The following SYMPK variants were observed in gnomAD, a reference collection of about 807,000 sequenced individuals.
SYMPK encodes the protein symplekin.
SYMPK carries 49 observed loss-of-function variants against 136.4 expected under a neutral mutation model. That is an observed-to-expected ratio of 0.36 (90% CI 0.29 to 0.46). The LOEUF (loss-of-function observed/expected upper bound fraction) is 0.46. Among genes scored for constraint, SYMPK ranks in the 20% least tolerant of loss-of-function variants. SYMPK has a pLI of 1.00. For synonymous variants in SYMPK, 766 were observed against 713.0 expected (o/e 1.07, Z -1.19); for missense variants, 1,365 against 1,690.0 (o/e 0.81, Z 3.37).
Position 45,816,156 on chromosome 19 carries a change from G to C in SYMPK, c.3382C>G (p.Pro1128Ala). The stretch of plus-strand genomic sequence containing the variant: ...TGAGGGGGCCGGGGTGCTGGGGCCG[G>C]GGCCAAGGTCAGGGGCTCCAGATCA... ...EDDLEPLTLAPAPAPRPPQDL... is the reference protein window; with the variant it reads ...EDDLEPLTLAAAPAPRPPQDL... Residue 1128 changes from proline (P) to alanine (A), a missense_variant, in exon 26 of 27, where the codon CCG (proline) becomes GCG (alanine). Coordinates refer to ENST00000245934, the MANE Select transcript of SYMPK (RefSeq NM_004819.3). 1.3e-6 allele frequency: 2 copies of C among 1,547,080 alleles called. No individual in the cohort carries two copies. The highest frequency in any genetic ancestry group is 1.7e-6 in the Non-Finnish European group (2 of 1,143,062).
intron 3 of SYMPK, among the ~76,000 whole-genome samples, chr19:45,853,801 C>T (rs1971750734): frequency 6.6e-6 from 1 of 152,156 alleles, no homozygotes; most frequent in Non-Finnish European, 1.5e-5. Context: ...ACTGGGTCAT[C>T]ATTGCCTGGT....
In SYMPK at chr19:45,821,522, G is replaced by A. The variant is rs918391868; in HGVS notation, c.2792-37C>T. On this transcript the variant is annotated intron_variant, in intron 21 of 26. Transcript: ENST00000245934. The surrounding 1 kb of genome is among the most constrained non-coding windows in gnomAD (Gnocchi z 4.4). ...GGGAGGAAGGGTGGGGGAAGACAGT[G>A]CGGACGCATAAGTGAAGAGATGGGT... 2 of 1,446,674 alleles carry A rather than the reference G, an allele frequency of 1.4e-6. No individual in the cohort carries two copies. The highest frequency in any genetic ancestry group is 1.4e-5 in the African/African-American group (1 of 71,310). The allele number at this position is 1,446,674 out of a possible 1,614,324, so 89.6% of individuals were successfully genotyped here.
At chr19:45,825,098 T>C (rs1308163957) in intron 18 of SYMPK, 73 bp downstream of exon 18, 3 of 1,552,000 alleles carry the variant, frequency 1.9e-6, no homozygotes, top group Non-Finnish European at 2.6e-6. Flanking sequence ...TGGAGCAGGT[T>C]GGGGAAGAGC....
chr19:45,854,448 T>C lies in SYMPK; in HGVS notation c.48A>G (p.Ser16=), dbSNP rs925708020. ...GDSVTRRSVA[S]QFFTQEEGPG... Reference sequence around the variant, plus strand: ...GCCCCTCCTCTTGAGTGAAAAACTGTGATGCCACGCTCCGACGGGTGACGC... The same window carrying C: ...GCCCCTCCTCTTGAGTGAAAAACTGCGATGCCACGCTCCGACGGGTGACGC... The change falls in exon 2 of 27, where the codon TCA becomes TCG. Residue 16 remains serine (S), a synonymous_variant. Coordinates refer to ENST00000245934, the MANE Select transcript of SYMPK (RefSeq NM_004819.3). 1 of 1,614,110 alleles carries C rather than the reference T, an allele frequency of 6.2e-7. No homozygotes were observed. Among genetic ancestry groups the C allele is most frequent in the Non-Finnish European group, 8.5e-7 (1 of 1,180,014 alleles).
chr19:45,830,765 T>A (rs764169852), intron 12 of SYMPK: 1 of 152,360 alleles, frequency 6.6e-6, no homozygotes, highest in Non-Finnish European at 1.5e-5. Context: ...GGCGGGCGCC[T>A]GTAGTCCCAG....
intron 18 of SYMPK, 61 bp from the exon 19 acceptor site, chr19:45,823,936 T>C: frequency 7.4e-7 from 1 of 1,351,172 alleles, no homozygotes; most frequent in Non-Finnish European, 1.0e-6. Context: ...GGTCAGGTGT[T>C]GCCCGGCAGG....
Position 45,821,029 on chromosome 19 carries a change from G to A in SYMPK, c.2893+355C>T, listed in dbSNP as rs571003210. 1.3e-5 allele frequency: 8 copies of A among 606,260 alleles called. No homozygotes were observed. Among genetic ancestry groups the A allele is most frequent in the Admixed American group, 3.0e-5 (1 of 33,890 alleles). The allele number at this position is 606,260 out of a possible 1,614,324, so 37.6% of individuals were successfully genotyped here. On this transcript the variant is annotated intron_variant, in intron 22 of 26. Coordinates refer to ENST00000245934, the MANE Select transcript of SYMPK (RefSeq NM_004819.3). This position sits in a 1 kb window ranked among gnomAD's most constrained non-coding sequence, Gnocchi z 4.4. ...AGCCCTGGGTCTGCCCTGCTGCTGCGCCTCTACCACTCACGGTGTGCCCTG... is the reference window on the plus strand; with the variant it reads ...AGCCCTGGGTCTGCCCTGCTGCTGCACCTCTACCACTCACGGTGTGCCCTG...
At chr19:45,845,603 T>G (rs911070677) in intron 7 of SYMPK, among the ~76,000 whole-genome samples, 1 of 152,212 alleles carries the variant, frequency 6.6e-6, no homozygotes, top group Non-Finnish European at 1.5e-5. Context: ...ACTCTGTTGA[T>G]GAATACTTAG....
chr19:45,838,822 TCTC>T (rs1971368895), intron 9 of SYMPK, among the ~76,000 whole-genome samples: 1 of 152,180 alleles, frequency 6.6e-6, no homozygotes, highest in African/African-American at 2.4e-5. Flanking sequence ...GAACCTCAGA[TCTC>T]CTGATCTGGG....
rs765957468 is a variant in SYMPK at position 45,831,453 on chromosome 19, G to C, written c.1529C>G (p.Ser510Cys). Residue 510 changes from serine (S) to cysteine (C), a missense_variant, in exon 12 of 27, where the codon TCC becomes TGC. By Grantham distance (112) the Ser-to-Cys change is moderately radical. Transcript: ENST00000245934. ...ISVVGSLSSM[S>C]PLEEEAPQAK... Reference sequence around the variant, plus strand: ...CTGCGGTGCCTCTTCCTCCAGGGGGGACATGGAGCTCAGGGAACCCACCAC... The same window carrying C: ...CTGCGGTGCCTCTTCCTCCAGGGGGCACATGGAGCTCAGGGAACCCACCAC... 1.9e-6 allele frequency: 3 copies of C among 1,608,646 alleles called. No homozygotes were observed. The highest frequency in any genetic ancestry group is 2.5e-6 in the Non-Finnish European group (3 of 1,177,762).
intron 6 of SYMPK, among the ~76,000 whole-genome samples, chr19:45,848,256 TC>T (rs1971614898): frequency 6.6e-6 from 1 of 152,192 alleles, no homozygotes; most frequent in Non-Finnish European, 1.5e-5. Context: ...AAGGCACACA[TC>T]TTCAGGGTAA....
chr19:45,848,896 G>T lies in SYMPK; in HGVS notation c.300-20C>A. ...CGCTTGCTGAGGGATGGAGAAAAAAGGGGCGAGGTCAAGGTGTGGTCTTAG... is the reference window on the plus strand; with the variant it reads ...CGCTTGCTGAGGGATGGAGAAAAAATGGGCGAGGTCAAGGTGTGGTCTTAG... On this transcript the variant is annotated intron_variant, in intron 5 of 26. Coordinates refer to ENST00000245934, the MANE Select transcript of SYMPK (RefSeq NM_004819.3). 2 of 1,613,706 alleles carry T rather than the reference G, an allele frequency of 1.2e-6. No individual in the cohort carries two copies. The highest frequency in any genetic ancestry group is 1.7e-6 in the Non-Finnish European group (2 of 1,179,938).
chr19:45,844,304 T>G lies in SYMPK; in HGVS notation c.677-104A>C, dbSNP rs1000463186. The stretch of plus-strand genomic sequence containing the variant: ...GGAAGGACAGATCCTGGTACCTAGA[T>G]GTCTATGAATGGCGGGAAAAACAGA... On this transcript the variant is annotated intron_variant, in intron 7 of 26. Transcript: ENST00000245934. 4.5e-5 allele frequency: 39 copies of G among 865,910 alleles called. No homozygotes were observed. The South Asian group carries it at 7.9e-4, about 18-fold the overall frequency. The allele number at this position is 865,910 out of a possible 1,614,324, so 53.6% of individuals were successfully genotyped here.
At chr19:45,857,446 CA>C (rs1971853400) in intron 1 of SYMPK, among the ~76,000 whole-genome samples, 1 of 129,184 alleles carries the variant, frequency 7.7e-6, no homozygotes, top group African/African-American at 2.9e-5. Context: ...ACACACTAAA[CA>C]AACAAACATG....
At chr19:45,831,947 CCTCAGCCT>C (rs1971187654) in intron 11 of SYMPK, among the ~76,000 whole-genome samples, 1 of 152,166 alleles carries the variant, frequency 6.6e-6, no homozygotes, top group Admixed American at 6.5e-5. Flanking sequence ...AATCCTCCTG[CCTCAGCCT>C]CTCAGCCTCC....
intron 7 of SYMPK, among the ~76,000 whole-genome samples, chr19:45,847,334 G>T (rs1295199084): frequency 6.6e-6 from 1 of 151,598 alleles, no homozygotes; most frequent in Non-Finnish European, 1.5e-5. Context: ...TGAGGCAGAA[G>T]AATCTCTTGA....
intron 5 of SYMPK, 113 bp from the exon 6 acceptor site, chr19:45,848,989 T>G: frequency 7.7e-6 from 10 of 1,293,056 alleles, no homozygotes; most frequent in East Asian, 2.3e-5. Context: ...GGGACCGGAA[T>G]GGCACATCCA....
In SYMPK at chr19:45,815,541, C is replaced by A; in HGVS notation, c.*19G>T. The A allele has an allele frequency of 6.5e-7, 1 of 1,528,012 alleles. No individual in the cohort carries two copies. Among genetic ancestry groups the A allele is most frequent in the Non-Finnish European group, 8.8e-7 (1 of 1,140,282 alleles). The allele number at this position is 1,528,012 out of a possible 1,614,324, so 94.7% of individuals were successfully genotyped here. A position where few individuals can be genotyped will look rare whatever the true frequency, so the allele number is the denominator to read the frequency against. ...CAGCCCCGAGTCCCTGTCCCACCCC[C>A]TTTCCCCCTCGAGCCCCGTCAGCTG... On this transcript the variant is annotated 3_prime_UTR_variant, in exon 27 of 27. Transcript: ENST00000245934.
Position 45,823,876 on chromosome 19 carries a change from C to A in SYMPK, c.2491-1G>T. On this transcript the variant is annotated splice_acceptor_variant, in intron 18 of 26. Transcript: ENST00000245934. LOFTEE classifies it high-confidence loss of function. ...GGGAGTTCATGCCCATTCCTCGGAT[C>A]TAGAGGCAGAGACAGGGATGACCAG... 6.2e-7 allele frequency: 1 copy of A among 1,613,276 alleles called. No individual in the cohort carries two copies. The highest frequency in any genetic ancestry group is 8.5e-7 in the Non-Finnish European group (1 of 1,179,506).
Sources: allele counts gnomAD v4.1 joint callset (sites outside exome capture counted in the v4.1 genomes callset), GRCh38; gene constraint gnomAD v4.1.1; non-coding constraint Gnocchi (gnomAD v3.1); transcripts MANE v1.5; gene names NCBI Gene and HGNC (gene_info 2026-07-23, HGNC 2026-07-21).